Variants in SPPL3 observed in about 807,000 individuals in gnomAD.
SPPL3 encodes the protein signal peptide peptidase like 3.
SPPL3 carries 5 observed loss-of-function variants against 42.4 expected under a neutral mutation model. The observed-to-expected ratio is 0.12, with a 90% CI of 0.06 to 0.25. SPPL3 has a LOEUF of 0.25. Ranked by LOEUF, SPPL3 falls within the 10% of genes least tolerant of loss-of-function variation. SPPL3 has a pLI of 1.00. For synonymous variants in SPPL3, 195 were observed against 181.8 expected (o/e 1.07, Z -0.58); for missense variants, 235 against 489.0 (o/e 0.48, Z 4.90).
At chr12:120,867,023 T>C (rs610694) in intron 1 of SPPL3, among the ~76,000 whole-genome samples, 73,514 of 152,034 alleles carry the variant, frequency 0.48, 17,975 homozygotes, top group East Asian at 0.56. Flanking sequence ...GAGTCAGTCA[T>C]AGGTAACCTC....
intron 1 of SPPL3, among the ~76,000 whole-genome samples, chr12:120,819,131 A>G (rs1051957994): frequency 3.3e-5 from 5 of 152,252 alleles, no homozygotes; most frequent in African/African-American, 4.8e-5. Flanking sequence ...ATAACTATCA[A>G]TATTCTTCTT....
chr12:120,863,490 C>G (rs565399778), intron 1 of SPPL3, among the ~76,000 whole-genome samples: 19 of 152,132 alleles, frequency 1.2e-4, no homozygotes, highest in Non-Finnish European at 2.8e-4. Context: ...GTATCTGCTT[C>G]GGCATTTAAT....
chr12:120,810,257 T>C (rs987639396), intron 2 of SPPL3, among the ~76,000 whole-genome samples: 12 of 152,302 alleles, frequency 7.9e-5, no homozygotes, highest in East Asian at 3.9e-4. Flanking sequence ...GCTGGGATTA[T>C]AGGCATATGG....
intron 2 of SPPL3, among the ~76,000 whole-genome samples, chr12:120,805,157 C>T (rs548874058): frequency 8.5e-5 from 13 of 152,204 alleles, no homozygotes; most frequent in Non-Finnish European, 1.8e-4. Context: ...ATTACAGTGA[C>T]GGCTGAACAA....
At chr12:120,791,405 G>A (rs532656284) in intron 3 of SPPL3, 64 bp downstream of exon 3, 4 of 1,104,716 alleles carry the variant, frequency 3.6e-6, no homozygotes, top group East Asian at 2.5e-5. Flanking sequence ...TTAACTGGAG[G>A]TATAGAAACA....
At chr12:120,771,880 C>T (rs1869136309) in intron 6 of SPPL3, among the ~76,000 whole-genome samples, 1 of 152,246 alleles carries the variant, frequency 6.6e-6, no homozygotes, top group Admixed American at 6.5e-5. Context: ...CCGCTCTCCA[C>T]ACATACTGTG....
At position 120,764,558 on chromosome 12, in the gene SPPL3, C is replaced by G; in HGVS notation, c.*441G>C. On this transcript the variant is annotated 3_prime_UTR_variant, in exon 11 of 11. Transcript: ENST00000353487. The stretch of plus-strand genomic sequence containing the variant: ...TCTCAGTTCTCTGAAACTGAGTCCC[C>G]TATAGGAAACTGGTCCCAAAGTTCT... 1 of 266,726 alleles carries G rather than the reference C, an allele frequency of 3.7e-6. No homozygotes were observed. The highest frequency in any genetic ancestry group is 7.0e-6 in the Non-Finnish European group (1 of 143,034). The allele number at this position is 266,726 out of a possible 1,614,324, so 16.5% of individuals were successfully genotyped here.
intron 1 of SPPL3, among the ~76,000 whole-genome samples, chr12:120,863,480 G>A (rs545546048): frequency 3.3e-5 from 5 of 152,212 alleles, no homozygotes; most frequent in South Asian, 2.1e-4. Context: ...CAGTATTCTC[G>A]TATCTGCTTC....
intron 1 of SPPL3, among the ~76,000 whole-genome samples, chr12:120,814,384 G>A (rs1240493948): frequency 1.3e-5 from 2 of 152,306 alleles, no homozygotes; most frequent in East Asian, 3.9e-4. Flanking sequence ...CAGCAATGAT[G>A]CAGCTGTGGC....
chr12:120,785,713 G>A (rs1869698051), intron 3 of SPPL3, among the ~76,000 whole-genome samples: 1 of 151,726 alleles, frequency 6.6e-6, no homozygotes, highest in Non-Finnish European at 1.5e-5. Context: ...GCTCATGCCT[G>A]TAATCCCAGC....
intron 2 of SPPL3, among the ~76,000 whole-genome samples, chr12:120,806,197 A>ATTT (rs35141421): frequency 1.4e-5 from 2 of 144,368 alleles, no homozygotes; most frequent in South Asian, 4.5e-4. Flanking sequence ...TTTATGGTCG[A>ATTT]TTTTTTTTTT....
At chr12:120,789,455 A>AAAAAAAAAG (rs1305137436) in intron 3 of SPPL3, among the ~76,000 whole-genome samples, 3 of 151,278 alleles carry the variant, frequency 2.0e-5, no homozygotes, top group East Asian at 1.9e-4. Flanking sequence ...CTGTCTCAAA[A>AAAAAAAAAG]AAAAAAAGAA....
At chr12:120,766,936 G>C (rs1197811838) in intron 9 of SPPL3, among the ~76,000 whole-genome samples, 1 of 152,196 alleles carries the variant, frequency 6.6e-6, no homozygotes, top group African/African-American at 2.4e-5. Flanking sequence ...GCATGTGCGG[G>C]CAGGTTACTG....
At chr12:120,798,236 T>TA (rs1870172523) in intron 2 of SPPL3, among the ~76,000 whole-genome samples, 1 of 152,154 alleles carries the variant, frequency 6.6e-6, no homozygotes, top group Non-Finnish European at 1.5e-5. Flanking sequence ...TTTTTTATTT[T>TA]AAAAAAGCCT....
chr12:120,900,597 G>GGA (rs549769614), intron 1 of SPPL3, among the ~76,000 whole-genome samples: 13 of 123,092 alleles, frequency 1.1e-4, no homozygotes, highest in African/African-American at 3.5e-4. Context: ...CTGTCTCAAG[G>GGA]AAAAAAAAAA....
chr12:120,857,466 A>G (rs1258721606), intron 1 of SPPL3, among the ~76,000 whole-genome samples: 1 of 152,208 alleles, frequency 6.6e-6, no homozygotes, highest in Non-Finnish European at 1.5e-5. Flanking sequence ...CAGCAATCCC[A>G]TTACTGGGTA....
chr12:120,820,595 C>T (rs879315476), intron 1 of SPPL3, among the ~76,000 whole-genome samples: 70 of 152,112 alleles, frequency 4.6e-4, no homozygotes, highest in Middle Eastern at 3.4e-3. Context: ...GGATTACAGG[C>T]GTGAGCCACT....
At chr12:120,875,933 G>A (rs1263506848) in intron 1 of SPPL3, among the ~76,000 whole-genome samples, 1 of 152,024 alleles carries the variant, frequency 6.6e-6, no homozygotes, top group Non-Finnish European at 1.5e-5. Context: ...CTGGAGTGGT[G>A]TCAATATCAA....
chr12:120,803,900 A>G (rs1721115588), intron 2 of SPPL3, among the ~76,000 whole-genome samples: 1 of 152,188 alleles, frequency 6.6e-6, no homozygotes, highest in Admixed American at 6.5e-5. Context: ...GTTAATCAAC[A>G]TATTACACAC....
Sources: gnomAD v4.1 joint callset for allele counts (sites outside exome capture counted in the v4.1 genomes callset) on GRCh38, gnomAD v4.1.1 for gene constraint, MANE v1.5 for transcripts, NCBI Gene and HGNC (gene_info 2026-07-23, HGNC 2026-07-21) for gene names.